Variants in LOXL2 observed in about 807,000 individuals in gnomAD.
LOXL2 encodes lysyl oxidase like 2.
In LOXL2, 70 loss-of-function variants were observed where a neutral mutation model predicts 93.0. The ratio of observed to expected loss-of-function variants is 0.75; its 90% CI spans 0.62 to 0.92. The LOEUF is 0.92. LOXL2 is among the 40% of genes least tolerant of loss of function. The pLI, the probability that LOXL2 is intolerant of heterozygous loss-of-function variation, is 0.00. For missense variants in LOXL2, 973 were observed against 1,054.9 expected (o/e 0.92, Z 1.08); for synonymous variants, 438 against 413.2 (o/e 1.06, Z -0.73).
chr8:23,373,440 A>C (rs1395621765), intron 1 of LOXL2, among the ~76,000 whole-genome samples: 1 of 152,116 alleles, frequency 6.6e-6, no homozygotes, highest in Non-Finnish European at 1.5e-5. Context: ...AGCCCAAGAG[A>C]TCCTCCTACT....
chr8:23,304,973 C>T (rs1803206555), intron 10 of LOXL2, among the ~76,000 whole-genome samples: 1 of 152,158 alleles, frequency 6.6e-6, no homozygotes, highest in Non-Finnish European at 1.5e-5. Context: ...TCAGAAGTTG[C>T]TAAGTTGGGC....
chr8:23,367,679 C>T (rs1197213926), intron 2 of LOXL2, among the ~76,000 whole-genome samples: 1 of 149,200 alleles, frequency 6.7e-6, no homozygotes, highest in Admixed American at 6.6e-5. Flanking sequence ...CGATTTCACC[C>T]CCTACCTGGG....
At chr8:23,303,091 G>A (rs1439310467) in intron 11 of LOXL2, among the ~76,000 whole-genome samples, 191 bp downstream of exon 11, 1 of 152,064 alleles carries the variant, frequency 6.6e-6, no homozygotes, top group Non-Finnish European at 1.5e-5. Flanking sequence ...GAATCCGGGT[G>A]CCCTTGGAAC....
chr8:23,385,944 C>T (rs761526654), intron 1 of LOXL2: 3 of 765,286 alleles, frequency 3.9e-6, no homozygotes, highest in East Asian at 2.4e-5. Context: ...CCAAGCAGCA[C>T]ATTGCAAGTG....
chr8:23,329,621 G>A lies in LOXL2; in HGVS notation c.967-1056C>T, dbSNP rs149887655. Among the ~76,000 whole-genome samples, 4 of 152,314 alleles carry A rather than the reference G, an allele frequency of 2.6e-5. No homozygotes were observed. In the East Asian group the frequency reaches 7.7e-4, roughly 29 times the overall value. On this transcript the variant is annotated intron_variant, in intron 5 of 13. Coordinates refer to ENST00000389131, the MANE Select transcript of LOXL2 (RefSeq NM_002318.3). ...TTGGAGGAGGCTCAGAAGCCTATGA[G>A]GCTCTCAGCTACTGCTGATGCTCAT...
At position 23,303,264 on chromosome 8, in the gene LOXL2, C is replaced by T. The variant is rs200062847; in HGVS notation, c.1996+18G>A. ...GAGTCCCTCTGAGGCCTCCCATCCC[C>T]CCACTCCGCTCAGATACCTCCTTCA... On this transcript the variant is annotated intron_variant, in intron 11 of 13. Coordinates refer to ENST00000389131, the MANE Select transcript of LOXL2 (RefSeq NM_002318.3). 1 of 1,523,936 alleles carries T rather than the reference C, an allele frequency of 6.6e-7. No individual in the cohort carries two copies. Among genetic ancestry groups the T allele is most frequent in the South Asian group, 1.1e-5 (1 of 89,262 alleles). The allele number at this position is 1,523,936 out of a possible 1,614,324, so 94.4% of individuals were successfully genotyped here.
chr8:23,360,491 A>G (rs1804272094), intron 2 of LOXL2, among the ~76,000 whole-genome samples: 1 of 152,232 alleles, frequency 6.6e-6, no homozygotes, highest in African/African-American at 2.4e-5. Context: ...TAGATTTAAC[A>G]TGATTAGGAT....
chr8:23,298,522 A>G (rs181264064), intron 13 of LOXL2, among the ~76,000 whole-genome samples: 32 of 152,336 alleles, frequency 2.1e-4, no homozygotes, highest in Non-Finnish European at 3.5e-4. Context: ...CAGAGCCCAC[A>G]GATTGCTGAT....
chr8:23,306,954 C>T (rs995426580), intron 10 of LOXL2, among the ~76,000 whole-genome samples: 2 of 152,188 alleles, frequency 1.3e-5, no homozygotes, highest in Admixed American at 6.5e-5. Flanking sequence ...GTCTGGTTTT[C>T]GAGGAAATTT....
rs1803828299 is a variant in LOXL2, at chr8:23,338,333, T to C, written c.743+2659A>G. Among the ~76,000 whole-genome samples, 3 of 149,394 alleles carry C rather than the reference T, an allele frequency of 2.0e-5. No individual in the cohort carries two copies. The South Asian group carries it at 6.6e-4, about 33-fold the overall frequency. On this transcript the variant is annotated intron_variant, in intron 4 of 13. Transcript: ENST00000389131. ...GGTGCTGAGGAAGAGCTGCAGTTGG[T>C]GGCCAGGGGGCAGCTCTCAGGCTTC...
chr8:23,338,378 C>G (rs1157727442), intron 4 of LOXL2, among the ~76,000 whole-genome samples: 1 of 151,208 alleles, frequency 6.6e-6, no homozygotes, highest in African/African-American at 2.4e-5. Context: ...ACCAGCCCAG[C>G]AGGTTCACAG....
Position 23,309,836 on chromosome 8 carries a change from A to C in LOXL2, c.1712T>G (p.Leu571Arg). 6.2e-7 allele frequency: 1 copy of C among 1,600,420 alleles called. No homozygotes were observed. The highest frequency in any genetic ancestry group is 8.5e-7 in the Non-Finnish European group (1 of 1,173,294). Reference protein sequence around the residue: ...TYLEDRPMFMLQCAMEENCLS... With the variant: ...TYLEDRPMFMRQCAMEENCLS... ...GCAGTTCTCCTCCATGGCACACTGC[A>C]GCATGAACATGGGCCGGTCCTCCAG... is the stretch of plus-strand genomic sequence containing the variant. Residue 571 changes from leucine to arginine, a missense_variant, in exon 10 of 14, where the codon CTG becomes CGG. By Grantham distance (102) the Leu-to-Arg change is moderately radical. Transcript: ENST00000389131.
At chr8:23,369,079 T>A (rs1450793223) in intron 1 of LOXL2, among the ~76,000 whole-genome samples, 1 of 152,062 alleles carries the variant, frequency 6.6e-6, no homozygotes, top group Non-Finnish European at 1.5e-5. Context: ...TGGGGGCCGG[T>A]GGAGAAGGAG....
chr8:23,328,235 G>T, intron 6 of LOXL2, 147 bp downstream of exon 6: 1 of 783,466 alleles, frequency 1.3e-6, no homozygotes, highest in Non-Finnish European at 2.1e-6. Flanking sequence ...TCTGTCTAGG[G>T]AGAGGCCTGG....
chr8:23,344,270 G>A (rs191588097), intron 3 of LOXL2, among the ~76,000 whole-genome samples: 104 of 152,344 alleles, frequency 6.8e-4, no homozygotes, highest in African/African-American at 1.9e-3. Context: ...AATGCAGCCT[G>A]GAGAAGAGAA....
At chr8:23,300,526 G>A (rs909693098) in intron 12 of LOXL2, among the ~76,000 whole-genome samples, 7 of 152,192 alleles carry the variant, frequency 4.6e-5, no homozygotes, top group Admixed American at 2.6e-4. Context: ...CTTGTGTCCC[G>A]TGAGTCCCCA....
rs368776641 is a variant in LOXL2 at position 23,360,211 on chromosome 8, G to T, written c.410C>A (p.Ala137Glu). 30 of 1,613,884 alleles carry T rather than the reference G, an allele frequency of 1.9e-5. No individual in the cohort carries two copies. The African/African-American group carries it at 2.4e-4, about 13-fold the overall frequency. Residue 137 changes from alanine to glutamate, a missense_variant, in exon 3 of 14, where the codon GCA (alanine) becomes GAA (glutamate). Physicochemically the swap from Ala to Glu is moderately radical, Grantham distance 107. Coordinates refer to ENST00000389131, the MANE Select transcript of LOXL2 (RefSeq NM_002318.3). ...HCTGNEATLA[A>E]CTSNGWGVTD... ...GACGCCCCAGCCATTGGAGGTGCAT[G>T]CTGCAAGGGTCGCCTCGTTGCCAGT...
intron 1 of LOXL2, among the ~76,000 whole-genome samples, chr8:23,381,449 T>C (rs527461295): frequency 1.1e-4 from 16 of 152,346 alleles, no homozygotes; most frequent in South Asian, 4.1e-4. Flanking sequence ...CAGCAGTATG[T>C]AGGTTTCCCC....
chr8:23,383,406 C>T (rs922215510), intron 1 of LOXL2, among the ~76,000 whole-genome samples: 1 of 152,162 alleles, frequency 6.6e-6, no homozygotes, highest in Non-Finnish European at 1.5e-5. Context: ...TAATTTGCTT[C>T]TTTCCTTCCT....
Sources: gnomAD v4.1 joint callset for allele counts (sites outside exome capture counted in the v4.1 genomes callset) on GRCh38, gnomAD v4.1.1 for gene constraint, MANE v1.5 for transcripts, NCBI Gene and HGNC (gene_info 2026-07-23, HGNC 2026-07-21) for gene names.